The following C8orf34 variants were observed in gnomAD, a reference collection of about 807,000 sequenced individuals.
C8orf34 encodes chromosome 8 open reading frame 34, also known as uncharacterized protein C8orf34.
A neutral mutation model predicts 68.3 loss-of-function variants in C8orf34; 65 were observed. The ratio of observed to expected loss-of-function variants is 0.95; its 90% CI spans 0.78 to 1.17. The LOEUF (loss-of-function observed/expected upper bound fraction) is 1.17, where lower values mean the gene tolerates loss of function less well. Among genes scored for constraint, C8orf34 ranks in the 50% most tolerant of loss-of-function variants. C8orf34 has a pLI of 0.00. For missense variants in C8orf34, 664 were observed against 655.4 expected (o/e 1.01, Z -0.14); for synonymous variants, 244 against 241.2 (o/e 1.01, Z -0.11).
At chr8:68,525,374 G>C (rs763195910) in intron 6 of C8orf34, 2 of 302,802 alleles carry the variant, frequency 6.6e-6, no homozygotes, top group Non-Finnish European at 1.2e-5. Flanking sequence ...AGAACAGAAG[G>C]CTTGAAATAT....
At chr8:68,445,934 C>A (rs111912310) in intron 2 of C8orf34, among the ~76,000 whole-genome samples, 2 of 151,976 alleles carry the variant, frequency 1.3e-5, no homozygotes, top group Admixed American at 1.3e-4. Flanking sequence ...TAATTACAGA[C>A]GCCCGCCATC....
chr8:68,664,273 A>G (rs968186291), intron 8 of C8orf34, among the ~76,000 whole-genome samples: 4 of 152,204 alleles, frequency 2.6e-5, no homozygotes, highest in African/African-American at 9.6e-5. Flanking sequence ...CCTTAAAGTT[A>G]AACTATAGGC....
chr8:68,461,128 G>A (rs565413136), intron 3 of C8orf34, among the ~76,000 whole-genome samples: 1 of 152,336 alleles, frequency 6.6e-6, no homozygotes, highest in Admixed American at 6.5e-5. Context: ...CAAGGCTGGA[G>A]AACTACGTGA....
At chr8:68,752,422 C>A (rs748189097) in intron 10 of C8orf34, among the ~76,000 whole-genome samples, 3 of 152,128 alleles carry the variant, frequency 2.0e-5, no homozygotes, top group Non-Finnish European at 4.4e-5. Flanking sequence ...GGCTCCCTGG[C>A]TGGGTAGGGC....
At chr8:68,688,665 T>G (rs1464429504) in intron 8 of C8orf34, among the ~76,000 whole-genome samples, 1 of 152,082 alleles carries the variant, frequency 6.6e-6, no homozygotes, top group African/African-American at 2.4e-5. Flanking sequence ...TAAAAAGGAA[T>G]GAGATCATGT....
chr8:68,379,081 T>G (rs912010037), intron 1 of C8orf34, among the ~76,000 whole-genome samples: 6 of 152,256 alleles, frequency 3.9e-5, no homozygotes, highest in African/African-American at 1.2e-4. Context: ...AGACTTACTA[T>G]GTGAACAAAA....
intron 12 of C8orf34, among the ~76,000 whole-genome samples, chr8:68,796,559 T>C (rs1824181674): frequency 6.6e-6 from 1 of 152,140 alleles, no homozygotes; most frequent in Non-Finnish European, 1.5e-5. Context: ...ATTTGAGAAA[T>C]TCATAATTGT....
chr8:68,633,480 A>T (rs1818750815), intron 7 of C8orf34, among the ~76,000 whole-genome samples: 1 of 152,230 alleles, frequency 6.6e-6, no homozygotes, highest in African/African-American at 2.4e-5. Context: ...ATTTCAAAGC[A>T]TCAAAATAGG....
intron 10 of C8orf34, among the ~76,000 whole-genome samples, chr8:68,769,422 T>C (rs1404547125): frequency 6.6e-6 from 1 of 152,046 alleles, no homozygotes; most frequent in Non-Finnish European, 1.5e-5. Context: ...TAAAAGGCCA[T>C]TTTGAATCTT....
At chr8:68,344,398 G>T (rs1320541659) in intron 1 of C8orf34, among the ~76,000 whole-genome samples, 2 of 152,148 alleles carry the variant, frequency 1.3e-5, no homozygotes, top group Non-Finnish European at 2.9e-5. Flanking sequence ...CAGGGATGGA[G>T]TAGGGAAATG....
intron 7 of C8orf34, among the ~76,000 whole-genome samples, chr8:68,545,474 G>GA (rs1374576762): frequency 6.6e-6 from 1 of 151,928 alleles, no homozygotes; most frequent in Non-Finnish European, 1.5e-5. Context: ...GTTATAGATA[G>GA]AAAAACTCAA....
intron 7 of C8orf34, among the ~76,000 whole-genome samples, chr8:68,574,090 C>T (rs1030526218): frequency 3.3e-5 from 5 of 152,104 alleles, no homozygotes; most frequent in African/African-American, 1.2e-4. Flanking sequence ...AGTGACACAC[C>T]ATAAAACTAT....
chr8:68,386,443 C>G (rs971642494), intron 1 of C8orf34, among the ~76,000 whole-genome samples: 1 of 152,088 alleles, frequency 6.6e-6, no homozygotes, highest in Non-Finnish European at 1.5e-5. Context: ...ATATGAAAGG[C>G]TGTTGTATAA....
intron 12 of C8orf34, among the ~76,000 whole-genome samples, chr8:68,803,146 T>C (rs10957452): frequency 0.24 from 36,549 of 151,990 alleles, 4,800 homozygotes; most frequent in East Asian, 0.47. Context: ...CAATCCATTT[T>C]ATGAGACTAG....
chr8:68,663,661 G>C (rs762665960), intron 8 of C8orf34, among the ~76,000 whole-genome samples: 29 of 152,192 alleles, frequency 1.9e-4, no homozygotes, highest in Non-Finnish European at 3.7e-4. Context: ...ATACTTAGGT[G>C]TCAGGAGCCT....
intron 8 of C8orf34, among the ~76,000 whole-genome samples, chr8:68,672,376 AG>A (rs1820041295): frequency 1.3e-5 from 2 of 152,348 alleles, no homozygotes; most frequent in Admixed American, 1.3e-4. Flanking sequence ...AGGGAAGGAA[AG>A]AGTCTTCAAT....
intron 1 of C8orf34, among the ~76,000 whole-genome samples, chr8:68,343,476 T>G (rs966163555): frequency 1.2e-4 from 19 of 152,146 alleles, no homozygotes; most frequent in African/African-American, 4.3e-4. Flanking sequence ...CAGGTTGGAG[T>G]GCAGTGGCAT....
At chr8:68,574,721 T>C (rs1211456992) in intron 7 of C8orf34, among the ~76,000 whole-genome samples, 1 of 152,090 alleles carries the variant, frequency 6.6e-6, no homozygotes, top group Non-Finnish European at 1.5e-5. Context: ...AGGTTACTAT[T>C]CTACTTATGG....
rs569389260 is a variant in C8orf34, at chr8:68,420,533, A to G, written c.328-18966A>G. ...CTAATTATGAAATGCAACATGTGGC[A>G]CACACACACACACACATACACAAAA... On this transcript the variant is annotated intron_variant, in intron 1 of 13. Transcript: ENST00000518698. Among the ~76,000 whole-genome samples the G allele has an allele frequency of 7.4e-4, 111 of 150,860 alleles. 1 individual carries two copies. Among genetic ancestry groups the G allele is most frequent in the African/African-American group, 2.6e-3 (106 of 41,294 alleles).
Sources: allele counts gnomAD v4.1 joint callset (sites outside exome capture counted in the v4.1 genomes callset), GRCh38; gene constraint gnomAD v4.1.1; transcripts MANE v1.5; gene names NCBI Gene and HGNC (gene_info 2026-07-23, HGNC 2026-07-21).